Variants in ATG16L1 observed in about 807,000 individuals in gnomAD.
ATG16L1 encodes autophagy-related protein 16-1.
A neutral mutation model predicts 88.5 loss-of-function variants in ATG16L1; 37 were observed. The observed-to-expected ratio is 0.42, with a 90% CI of 0.32 to 0.55. ATG16L1 has a LOEUF of 0.55. ATG16L1 is among the 20% of genes least tolerant of loss of function. The pLI is 0.13. For missense variants in ATG16L1, 554 were observed against 752.8 expected (o/e 0.74, Z 3.09); for synonymous variants, 301 against 281.0 (o/e 1.07, Z -0.71).
chr2:233,285,271 A>G (rs1466863270), intron 12 of ATG16L1, among the ~76,000 whole-genome samples: 7 of 152,036 alleles, frequency 4.6e-5, no homozygotes, highest in African/African-American at 1.4e-4. Flanking sequence ...CCTTTTTTTT[A>G]TGATAGTCCC....
chr2:233,271,912 A>G (rs1161537087), intron 6 of ATG16L1, among the ~76,000 whole-genome samples: 4 of 152,220 alleles, frequency 2.6e-5, no homozygotes, highest in African/African-American at 7.2e-5. Context: ...ATTCCCTTCT[A>G]CATCCTGGCC....
intron 9 of ATG16L1, among the ~76,000 whole-genome samples, chr2:233,276,916 T>G (rs761582264): frequency 6.6e-6 from 1 of 152,246 alleles, no homozygotes; most frequent in African/African-American, 2.4e-5. Flanking sequence ...TATCTAAGGC[T>G]TATGCATTAA....
intron 12 of ATG16L1, among the ~76,000 whole-genome samples, chr2:233,289,406 T>TGTGTGTGTGTGTGTGTGTGTGA (rs1559412687): frequency 1.6e-5 from 2 of 126,972 alleles, no homozygotes; most frequent in Non-Finnish European, 3.2e-5. Context: ...TGTGTGTGTG[T>TGTGTGTGTGTGTGTGTGTGTGA]GTGACAGGAT....
intron 12 of ATG16L1, chr2:233,283,018 A>G (rs570596329): frequency 3.2e-5 from 12 of 371,804 alleles, no homozygotes; most frequent in African/African-American, 2.0e-4. Context: ...ATACTTTGGT[A>G]GATAGCAATT....
At chr2:233,261,046 T>C (rs1697173376) in intron 2 of ATG16L1, among the ~76,000 whole-genome samples, 1 of 152,128 alleles carries the variant, frequency 6.6e-6, no homozygotes, top group Non-Finnish European at 1.5e-5. Flanking sequence ...ACCTCCGCCT[T>C]CCGGGTTCAT....
chr2:233,281,040 C>T, intron 10 of ATG16L1, 65 bp from the exon 11 acceptor site: 1 of 1,044,752 alleles, frequency 9.6e-7, no homozygotes, highest in Non-Finnish European at 1.4e-6. Flanking sequence ...TTTCAGTGCC[C>T]TGTTTTAATG....
chr2:233,251,966 G>T, intron 1 of ATG16L1, 24 bp downstream of exon 1: 2 of 1,509,006 alleles, frequency 1.3e-6, no homozygotes, highest in Middle Eastern at 2.3e-4. Flanking sequence ...GTGCGGGCTG[G>T]GAGTGGGGCG....
In ATG16L1 at chr2:233,272,947, G is replaced by T; in HGVS notation, c.708-19G>T. On this transcript the variant is annotated intron_variant, in intron 6 of 17. Coordinates refer to ENST00000392017, the MANE Select transcript of ATG16L1 (RefSeq NM_030803.7). The stretch of plus-strand genomic sequence containing the variant: ...GAACTGTTCAGGAGAATCAAAGAAT[G>T]TCTTGCCTTTCTTTCCAGGGATGAT... 1 of 1,606,404 alleles carries T rather than the reference G, an allele frequency of 6.2e-7. No individual in the cohort carries two copies.
intron 6 of ATG16L1, 56 bp from the exon 7 acceptor site, chr2:233,272,910 C>T (rs2289476): frequency 7.4e-6 from 11 of 1,479,542 alleles, no homozygotes; most frequent in Admixed American, 1.7e-5. Flanking sequence ...TTTGCGGAAC[C>T]GATTAATCAC....
At chr2:233,260,534 G>C (rs1261638772) in intron 2 of ATG16L1, among the ~76,000 whole-genome samples, 1 of 152,222 alleles carries the variant, frequency 6.6e-6, no homozygotes, top group Non-Finnish European at 1.5e-5. Context: ...TGCCAGGAAA[G>C]CAGGTCACCT....
intron 5 of ATG16L1, among the ~76,000 whole-genome samples, chr2:233,267,577 G>A (rs368456873): frequency 4.6e-5 from 7 of 152,000 alleles, no homozygotes; most frequent in African/African-American, 7.3e-5. Context: ...CTAATTTTCC[G>A]GTTTCTATTA....
intron 8 of ATG16L1, chr2:233,274,099 C>A: frequency 6.8e-7 from 1 of 1,463,070 alleles, no homozygotes; most frequent in South Asian, 1.2e-5. Context: ...AACAATTATG[C>A]CAATCACCGC....
At chr2:233,287,569 A>G (rs1341653027) in intron 12 of ATG16L1, among the ~76,000 whole-genome samples, 2 of 152,358 alleles carry the variant, frequency 1.3e-5, no homozygotes, top group South Asian at 2.1e-4. Context: ...AAATTTTGAT[A>G]AAATAGTTAT....
rs1240032905 is a variant in ATG16L1 at position 233,290,365 on chromosome 2, A to G, written c.1430+12A>G. The G allele has an allele frequency of 1.9e-6, 3 of 1,604,008 alleles. No homozygotes were observed. Among genetic ancestry groups the G allele is most frequent in the Non-Finnish European group, 2.6e-6 (3 of 1,170,708 alleles). ...TTCTGGGACATTCGGTATGATACCC[A>G]AGCTCCTGACTGGAGGCACATAAGA... On this transcript the variant is annotated intron_variant, in intron 14 of 17. Transcript: ENST00000392017.
chr2:233,294,521 T>C lies in ATG16L1; in HGVS notation c.*171T>C, dbSNP rs1699680886. ...TGAATGGGATTTCTGAAGATTTGAC[T>C]GAGGTCTCTCTTGGCCTGGAAGAAT... is the stretch of plus-strand genomic sequence containing the variant. On this transcript the variant is annotated 3_prime_UTR_variant, in exon 18 of 18. Coordinates refer to ENST00000392017, the MANE Select transcript of ATG16L1 (RefSeq NM_030803.7). The C allele has an allele frequency of 7.6e-6, 4 of 527,422 alleles. No individual in the cohort carries two copies. The highest frequency in any genetic ancestry group is 1.3e-5 in the Non-Finnish European group (4 of 297,514). 32.7% of individuals were successfully genotyped at this position (527,422 alleles called of 1,614,324 possible).
At chr2:233,286,541 T>C (rs1480774847) in intron 12 of ATG16L1, among the ~76,000 whole-genome samples, 1 of 151,530 alleles carries the variant, frequency 6.6e-6, no homozygotes, top group Non-Finnish European at 1.5e-5. Context: ...CTCTATACCA[T>C]TGGAAGCACC....
intron 7 of ATG16L1, 27 bp from the exon 8 acceptor site, chr2:233,273,694 T>C (rs768985323): frequency 6.2e-7 from 1 of 1,612,058 alleles, no homozygotes; most frequent in South Asian, 1.1e-5. Flanking sequence ...TTTCTAAGGT[T>C]TAAACCTATC....
intron 1 of ATG16L1, among the ~76,000 whole-genome samples, chr2:233,252,557 A>T (rs569961452): frequency 3.0e-4 from 45 of 151,792 alleles, no homozygotes; most frequent in South Asian, 1.0e-3. Context: ...TAATTTTTTT[A>T]AAAAAAAATT....
intron 9 of ATG16L1, chr2:233,275,776 C>T (rs748049835): frequency 1.2e-5 from 6 of 519,146 alleles, no homozygotes; most frequent in African/African-American, 3.8e-5. Flanking sequence ...GTCACGGTCC[C>T]TTTGTTGCCC....
Sources: gnomAD v4.1 joint callset for allele counts (sites outside exome capture counted in the v4.1 genomes callset) on GRCh38, gnomAD v4.1.1 for gene constraint, MANE v1.5 for transcripts, NCBI Gene and HGNC (gene_info 2026-07-23, HGNC 2026-07-21) for gene names.